Variants in SEMA3C observed in about 807,000 individuals in gnomAD.
SEMA3C encodes semaphorin-3C.
A neutral mutation model predicts 89.4 loss-of-function variants in SEMA3C; 47 were observed. The ratio of observed to expected loss-of-function variants is 0.53; its 90% CI spans 0.42 to 0.67. SEMA3C has a LOEUF of 0.67. SEMA3C is among the 30% of genes least tolerant of loss of function. The pLI, the probability that SEMA3C is intolerant of heterozygous loss-of-function variation, is 0.00. For missense variants in SEMA3C, 839 were observed against 929.1 expected, an observed-to-expected ratio of 0.90 and a Z score of 1.26; for synonymous variants, 310 against 320.2, an observed-to-expected ratio of 0.97 and a Z score of 0.34.
intron 14 of SEMA3C, among the ~76,000 whole-genome samples, chr7:80,761,069 ACAAT>A (rs998962211): frequency 1.3e-5 from 2 of 152,236 alleles, no homozygotes; most frequent in African/African-American, 4.8e-5. Flanking sequence ...GATTTCAATT[ACAAT>A]CAAATATTTC....
intron 2 of SEMA3C, among the ~76,000 whole-genome samples, chr7:80,875,552 A>G (rs1791180586): frequency 6.6e-6 from 1 of 152,152 alleles, no homozygotes; most frequent in Non-Finnish European, 1.5e-5. Context: ...AATTCCAAAA[A>G]TAAACAATTT....
upstream of SEMA3C, chr7:80,919,276 C>T (rs1451232368): frequency 3.0e-6 from 3 of 983,922 alleles, no homozygotes; most frequent in East Asian, 1.1e-4. Context: ...CCTTAGAGCT[C>T]GCGGCTGGCC....
intron 4 of SEMA3C, 98 bp downstream of exon 4, chr7:80,827,327 A>C (rs1178337635): frequency 7.9e-7 from 1 of 1,273,082 alleles, no homozygotes; most frequent in East Asian, 2.9e-5. Flanking sequence ...AAACACCACC[A>C]TCCTTGTCTC....
chr7:80,824,781 C>A (rs1290254690), intron 4 of SEMA3C, among the ~76,000 whole-genome samples: 1 of 152,156 alleles, frequency 6.6e-6, no homozygotes, highest in Non-Finnish European at 1.5e-5. Flanking sequence ...CTTAGTAATG[C>A]AGTTATTTTA....
chr7:80,851,953 A>G (rs1790523810), intron 2 of SEMA3C, among the ~76,000 whole-genome samples: 1 of 152,196 alleles, frequency 6.6e-6, no homozygotes, highest in Non-Finnish European at 1.5e-5. Flanking sequence ...AATATGATGG[A>G]AGGAGAATAT....
chr7:80,915,050 G>C lies in SEMA3C; in HGVS notation c.103+1629C>G, dbSNP rs181640030. Among the ~76,000 whole-genome samples, 235 of 152,292 alleles carry C rather than the reference G, an allele frequency of 1.5e-3. 1 individual carries two copies. Among genetic ancestry groups the C allele is most frequent in the African/African-American group, 5.3e-3 (221 of 41,574 alleles). On this transcript the variant is annotated intron_variant, in intron 2 of 17. Coordinates refer to ENST00000265361, the MANE Select transcript of SEMA3C (RefSeq NM_006379.5). ...TTTCATGTAATGGAAAAGAAAGCAG[G>C]TAGAGACATCTAATCTATTAGGTCA...
chr7:80,807,168 T>C (rs530464910), intron 6 of SEMA3C, among the ~76,000 whole-genome samples: 2 of 152,340 alleles, frequency 1.3e-5, no homozygotes, highest in African/African-American at 2.4e-5. Context: ...GTGGCAACTT[T>C]GTAAATAATT....
Position 80,828,677 on chromosome 7 carries a change from A to T in SEMA3C, c.172T>A (p.Leu58Ile), listed in dbSNP as rs1789937744. Residue 58 changes from leucine to isoleucine, a missense_variant, in exon 3 of 18, where the codon TTA becomes ATA. By Grantham distance (5) the Leu-to-Ile change is conservative. Coordinates refer to ENST00000265361, the MANE Select transcript of SEMA3C (RefSeq NM_006379.5). ...SHHPLDYRIL[L>I]MDEDQDRIYV... ...ATCCGGTCCTGATCTTCATCCATTAATAAAATCCTGTAGTCTAAAGGATGG... is the reference window on the plus strand; with the variant it reads ...ATCCGGTCCTGATCTTCATCCATTATTAAAATCCTGTAGTCTAAAGGATGG... 1 of 1,612,126 alleles carries T rather than the reference A, an allele frequency of 6.2e-7. No homozygotes were observed. The highest frequency in any genetic ancestry group is 1.1e-5 in the South Asian group (1 of 90,966).
chr7:80,888,346 T>C (rs961972570), intron 2 of SEMA3C, among the ~76,000 whole-genome samples: 2 of 151,384 alleles, frequency 1.3e-5, no homozygotes, highest in South Asian at 4.2e-4. Context: ...TCCAGGAAAA[T>C]GAGCCACTTG....
chr7:80,835,997 C>T lies in SEMA3C; in HGVS notation c.104-7252G>A, dbSNP rs182305536. Among the ~76,000 whole-genome samples the T allele has an allele frequency of 1.1e-3, 167 of 152,322 alleles. 2 individuals carry two copies. Among genetic ancestry groups the T allele is most frequent in the African/African-American group, 3.8e-3 (160 of 41,580 alleles). On this transcript the variant is annotated intron_variant, in intron 2 of 17. Coordinates refer to ENST00000265361, the MANE Select transcript of SEMA3C (RefSeq NM_006379.5). Reference sequence around the variant, plus strand: ...CTTGCTTTTCTAATCAGACTGACAACTTCGACAGTTACTAGTTGGGTTTCT... The same window carrying T: ...CTTGCTTTTCTAATCAGACTGACAATTTCGACAGTTACTAGTTGGGTTTCT...
At chr7:80,918,806 G>C (rs911365017) in intron 1 of SEMA3C, 22 bp downstream of exon 1, 1 of 985,144 alleles carries the variant, frequency 1.0e-6, no homozygotes, top group East Asian at 1.1e-4. Flanking sequence ...CTGTAATGCG[G>C]AAAATGACCA....
chr7:80,864,931 C>G (rs555132283), intron 2 of SEMA3C, among the ~76,000 whole-genome samples: 1 of 152,280 alleles, frequency 6.6e-6, no homozygotes, highest in African/African-American at 2.4e-5. Flanking sequence ...CAACATCTTT[C>G]ACTTCCTCTC....
intron 11 of SEMA3C, among the ~76,000 whole-genome samples, chr7:80,797,240 G>GA (rs201211177): frequency 6.8e-5 from 10 of 146,538 alleles, no homozygotes; most frequent in East Asian, 6.0e-4. Context: ...TGACATTTTA[G>GA]AAAAAAAAAC....
intron 2 of SEMA3C, among the ~76,000 whole-genome samples, chr7:80,874,759 C>T (rs932176596): frequency 2.6e-5 from 4 of 151,940 alleles, no homozygotes; most frequent in Non-Finnish European, 5.9e-5. Context: ...TGAGCCAGCG[C>T]GTCAGGCCCA....
rs1583894949 is a variant in SEMA3C, at chr7:80,805,861, T to C, written c.539-103A>G. ...GATCACCACAGGTATTACAGTGTTA[T>C]GATAATTGGTTATAACAAATATTAA... On this transcript the variant is annotated intron_variant, in intron 6 of 17. Transcript: ENST00000265361. The C allele has an allele frequency of 6.1e-6, 4 of 659,804 alleles. No homozygotes were observed. In the East Asian group the frequency reaches 1.2e-4, roughly 20 times the overall value. 40.9% of individuals were successfully genotyped at this position (659,804 alleles called of 1,614,324 possible). A position where few individuals can be genotyped will look rare whatever the true frequency, so the allele number is the denominator to read the frequency against.
intron 12 of SEMA3C, among the ~76,000 whole-genome samples, chr7:80,777,423 C>A (rs1788576408): frequency 6.6e-6 from 1 of 152,106 alleles, no homozygotes; most frequent in South Asian, 2.1e-4. Flanking sequence ...TCCTGAGTAG[C>A]TGGAATTACA....
chr7:80,890,725 G>A (rs1337744499), intron 2 of SEMA3C, among the ~76,000 whole-genome samples: 1 of 152,156 alleles, frequency 6.6e-6, no homozygotes, highest in Non-Finnish European at 1.5e-5. Context: ...AGGAAGTTTA[G>A]ATTCTGGCAA....
chr7:80,804,456 A>T (rs1789289537), intron 7 of SEMA3C, among the ~76,000 whole-genome samples: 1 of 152,188 alleles, frequency 6.6e-6, no homozygotes. Flanking sequence ...AGGAAATGTG[A>T]AAATTATTTG....
At chr7:80,845,776 G>T (rs1419574865) in intron 2 of SEMA3C, among the ~76,000 whole-genome samples, 2 of 152,086 alleles carry the variant, frequency 1.3e-5, no homozygotes, top group African/African-American at 4.8e-5. Flanking sequence ...TCTGTGTGCT[G>T]GGAGTACAAT....
Sources: gnomAD v4.1 joint callset for allele counts (sites outside exome capture counted in the v4.1 genomes callset) on GRCh38, gnomAD v4.1.1 for gene constraint, MANE v1.5 for transcripts, NCBI Gene and HGNC (gene_info 2026-07-23, HGNC 2026-07-21) for gene names.